CLIP1: variants seen among roughly 807,000 people sequenced by gnomAD.
CLIP1 encodes the protein CAP-Gly domain containing linker protein 1.
CLIP1 carries 66 observed loss-of-function variants against 161.6 expected under a neutral mutation model. That is an observed-to-expected ratio of 0.41 (90% CI 0.33 to 0.50). The LOEUF is 0.50. Ranked by LOEUF, CLIP1 falls within the 20% of genes least tolerant of loss-of-function variation. CLIP1 has a pLI of 0.27. For missense variants in CLIP1, 1,376 were observed against 1,702.0 expected, an observed-to-expected ratio of 0.81 and a Z score of 3.37; for synonymous variants, 598 against 626.2, an observed-to-expected ratio of 0.96 and a Z score of 0.67.
chr12:122,381,729 AAGAATCTGGCC>A, intron 1 of CLIP1, among the ~76,000 whole-genome samples: 1 of 152,338 alleles, frequency 6.6e-6, no homozygotes. Flanking sequence ...GCCACTGGCA[AAGAATCTGGCC>A]AGGGATGACA....
intron 5 of CLIP1, 138 bp downstream of exon 5, chr12:122,360,821 A>C: frequency 1.4e-6 from 1 of 706,576 alleles, no homozygotes; most frequent in Non-Finnish European, 2.2e-6. Context: ...CTTACTTGCA[A>C]AGACTTTCAC....
chr12:122,346,892 T>G (rs906190633), intron 10 of CLIP1, among the ~76,000 whole-genome samples: 1 of 152,184 alleles, frequency 6.6e-6, no homozygotes, highest in Non-Finnish European at 1.5e-5. Context: ...GGGTGAAAGT[T>G]TTTAACTCTC....
intron 20 of CLIP1, among the ~76,000 whole-genome samples, chr12:122,291,294 A>T (rs1950239579): frequency 6.6e-6 from 1 of 151,754 alleles, no homozygotes; most frequent in Non-Finnish European, 1.5e-5. Context: ...GGTTCAAGCG[A>T]TTCTCCTGTC....
intron 1 of CLIP1, among the ~76,000 whole-genome samples, chr12:122,392,953 T>C (rs1955724678): frequency 6.6e-6 from 1 of 152,030 alleles, no homozygotes; most frequent in South Asian, 2.1e-4. Flanking sequence ...GGCTAATTTT[T>C]GTATTTTTAG....
rs753546773 is a variant in CLIP1 at position 122,351,049 on chromosome 12, T to A, written c.1401+62A>T. The A allele has an allele frequency of 3.1e-6, 4 of 1,271,626 alleles. No homozygotes were observed. In the South Asian group the frequency reaches 5.3e-5, roughly 17 times the overall value. 78.8% of individuals were successfully genotyped at this position (1,271,626 alleles called of 1,614,324 possible). A position where few individuals can be genotyped will look rare whatever the true frequency, so the allele number is the denominator to read the frequency against. On this transcript the variant is annotated intron_variant, in intron 9 of 25. Transcript: ENST00000620786. ...AGTGTTTGAGTATATCAATAAGCATTTTAATCTGTGATCAATCTTTGTTAA... is the reference window on the plus strand; with the variant it reads ...AGTGTTTGAGTATATCAATAAGCATATTAATCTGTGATCAATCTTTGTTAA...
chr12:122,386,823 C>A (rs1308799530), intron 1 of CLIP1, among the ~76,000 whole-genome samples: 598 of 123,828 alleles, frequency 4.8e-3, no homozygotes, highest in Admixed American at 6.1e-3. Context: ...CAATATGTCT[C>A]AAAAAAAAAA....
intron 2 of CLIP1, among the ~76,000 whole-genome samples, chr12:122,379,286 T>A (rs1364193245): frequency 7.2e-6 from 1 of 139,500 alleles, no homozygotes; most frequent in Non-Finnish European, 1.5e-5. Context: ...CCAGCCTTGA[T>A]AACAGAACAA....
intron 3 of CLIP1, among the ~76,000 whole-genome samples, chr12:122,366,861 T>C (rs1172697548): frequency 1.3e-5 from 2 of 152,172 alleles, no homozygotes; most frequent in African/African-American, 4.8e-5. Context: ...GTACTAGTTC[T>C]AGACTTGACA....
chr12:122,316,282 C>T (rs1951268038), intron 19 of CLIP1, among the ~76,000 whole-genome samples: 1 of 151,852 alleles, frequency 6.6e-6, no homozygotes, highest in Non-Finnish European at 1.5e-5. Context: ...ACGATTATGG[C>T]TCACTGCAGC....
At chr12:122,370,970 GA>G (rs10548483) in intron 3 of CLIP1, among the ~76,000 whole-genome samples, 12,879 of 75,098 alleles carry the variant, frequency 0.17, 1,719 homozygotes, top group African/African-American at 0.41. Context: ...AAAAAAAAAA[GA>G]AAAAAAAAAA....
At chr12:122,372,250 G>A (rs531174074) in intron 3 of CLIP1, among the ~76,000 whole-genome samples, 11 of 152,034 alleles carry the variant, frequency 7.2e-5, no homozygotes, top group Admixed American at 3.3e-4. Flanking sequence ...GAAAAACCCC[G>A]TCTCTACTAA....
At chr12:122,332,404 TA>T (rs1380958688) in intron 15 of CLIP1, among the ~76,000 whole-genome samples, 1 of 152,144 alleles carries the variant, frequency 6.6e-6, no homozygotes, top group Non-Finnish European at 1.5e-5. Flanking sequence ...TTGTCATTGG[TA>T]AACTACTACC....
chr12:122,421,149 A>T (rs1956926381), intron 1 of CLIP1, among the ~76,000 whole-genome samples: 1 of 151,020 alleles, frequency 6.6e-6, no homozygotes, highest in Non-Finnish European at 1.5e-5. Context: ...CCGAATGCAC[A>T]TGACGACAGC....
At chr12:122,358,360 T>G (rs2136536366) in intron 5 of CLIP1, among the ~76,000 whole-genome samples, 1 of 151,550 alleles carries the variant, frequency 6.6e-6, no homozygotes, top group African/African-American at 2.4e-5. Flanking sequence ...CTTGTTTATC[T>G]GCTGACCTTC....
chr12:122,381,972 C>G (rs1955028619), intron 1 of CLIP1, among the ~76,000 whole-genome samples: 1 of 152,218 alleles, frequency 6.6e-6, no homozygotes, highest in African/African-American at 2.4e-5. Context: ...CGCCTGTAAT[C>G]CCAACACTTT....
intron 3 of CLIP1, among the ~76,000 whole-genome samples, chr12:122,372,362 G>A (rs1187901300): frequency 6.6e-6 from 1 of 151,808 alleles, no homozygotes; most frequent in African/African-American, 2.4e-5. Context: ...GGAGGTTGCA[G>A]TGAGATTGCG....
intron 9 of CLIP1, among the ~76,000 whole-genome samples, chr12:122,349,394 T>C (rs1952911851): frequency 1.3e-5 from 2 of 152,352 alleles, no homozygotes; most frequent in Non-Finnish European, 2.9e-5. Context: ...ACACATTATC[T>C]GGGACTCTAC....
At chr12:122,288,055 C>T (rs1349229712) in intron 21 of CLIP1, among the ~76,000 whole-genome samples, 8 of 150,324 alleles carry the variant, frequency 5.3e-5, no homozygotes, top group African/African-American at 2.0e-4. Context: ...TTTTTTGAGA[C>T]GGAGTCTCTC....
At chr12:122,309,595 C>T (rs927383831) in intron 20 of CLIP1, among the ~76,000 whole-genome samples, 167 bp downstream of exon 20, 5 of 152,274 alleles carry the variant, frequency 3.3e-5, no homozygotes, top group Non-Finnish European at 5.9e-5. Flanking sequence ...CTAAATCCTA[C>T]AGCAGCACGT....
Sources: allele counts gnomAD v4.1 joint callset (sites outside exome capture counted in the v4.1 genomes callset), GRCh38; gene constraint gnomAD v4.1.1; transcripts MANE v1.5; gene names NCBI Gene and HGNC (gene_info 2026-07-23, HGNC 2026-07-21).